PTPRD: variants seen among roughly 807,000 people sequenced by gnomAD.
PTPRD encodes the protein receptor-type tyrosine-protein phosphatase delta.
In PTPRD, 34 loss-of-function variants were observed where a neutral mutation model predicts 214.5. The observed-to-expected ratio is 0.16, with a 90% CI of 0.12 to 0.21. PTPRD has a LOEUF of 0.21. PTPRD is among the 10% of genes least tolerant of loss of function. PTPRD has a pLI of 1.00. For missense variants in PTPRD, 2,545 were observed against 2,398.7 expected (o/e 1.06, Z -1.27); for synonymous variants, 1,128 against 845.7 (o/e 1.33, Z -5.79).
At chr9:9,887,454 C>T (rs78743388) in intron 5 of PTPRD, among the ~76,000 whole-genome samples, 11,782 of 152,132 alleles carry the variant, frequency 0.077, 1,417 homozygotes, top group African/African-American at 0.26. Flanking sequence ...TATAAAAAAA[C>T]ATGATGCATA....
intron 2 of PTPRD, among the ~76,000 whole-genome samples, chr9:10,596,445 A>G (rs1438980824): frequency 6.6e-6 from 1 of 151,716 alleles, no homozygotes; most frequent in Non-Finnish European, 1.5e-5. Flanking sequence ...AATAATTATG[A>G]AGGTATATTT....
At chr9:9,944,083 G>A (rs2092145938) in intron 4 of PTPRD, among the ~76,000 whole-genome samples, 3 of 152,180 alleles carry the variant, frequency 2.0e-5, no homozygotes, top group Admixed American at 1.3e-4. Context: ...ATACAGAGGA[G>A]AAAGGCTTAG....
chr9:10,283,970 G>A (rs779347919), intron 3 of PTPRD, among the ~76,000 whole-genome samples: 1 of 152,050 alleles, frequency 6.6e-6, no homozygotes, highest in Non-Finnish European at 1.5e-5. Flanking sequence ...CTTCTCTCAT[G>A]GTTTGTGAGA....
chr9:10,500,989 G>A (rs1017787507), intron 2 of PTPRD, among the ~76,000 whole-genome samples: 6 of 152,062 alleles, frequency 3.9e-5, no homozygotes, highest in East Asian at 1.9e-4. Flanking sequence ...GAACAGTGCT[G>A]GAAGAAATAT....
intron 8 of PTPRD, among the ~76,000 whole-genome samples, chr9:9,504,096 A>G (rs538869446): frequency 6.6e-6 from 1 of 151,852 alleles, no homozygotes; most frequent in East Asian, 1.9e-4. Context: ...CCTATTCCAA[A>G]GTAAATATCA....
chr9:8,852,818 C>A (rs117297590), intron 11 of PTPRD, among the ~76,000 whole-genome samples: 2,039 of 152,216 alleles, frequency 0.013, 20 homozygotes, highest in Non-Finnish European at 0.022. Context: ...CATAGGCCAA[C>A]TGAGTAGTAT....
intron 11 of PTPRD, among the ~76,000 whole-genome samples, chr9:8,763,496 G>C (rs1464458920): frequency 3.3e-5 from 5 of 151,974 alleles, no homozygotes; most frequent in Non-Finnish European, 4.4e-5. Flanking sequence ...CTGGGTGACA[G>C]AGTGAGACTT....
intron 9 of PTPRD, among the ~76,000 whole-genome samples, chr9:9,289,712 T>C (rs1950554317): frequency 6.6e-6 from 1 of 151,798 alleles, no homozygotes; most frequent in Non-Finnish European, 1.5e-5. Context: ...TCACACAGTA[T>C]TTTTCTTTCT....
At chr9:10,025,092 C>A (rs536667749) in intron 4 of PTPRD, among the ~76,000 whole-genome samples, 1 of 151,920 alleles carries the variant, frequency 6.6e-6, no homozygotes, top group East Asian at 1.9e-4. Context: ...AATAAACATA[C>A]GTGTGCATGT....
intron 11 of PTPRD, among the ~76,000 whole-genome samples, chr9:8,775,170 C>T (rs2095419391): frequency 6.6e-6 from 1 of 152,108 alleles, no homozygotes; most frequent in East Asian, 1.9e-4. Context: ...TAAAAAATGT[C>T]TCATACGTCA....
chr9:8,340,402 G>A lies in PTPRD; in HGVS notation c.5194C>T (p.Leu1732Phe), dbSNP rs759538026. Reference sequence around the variant, plus strand: ...ACTATGGTGGAATTGTGTTCCCAGAGCATCCGCCAGAAGTCTTCAGTGGTC... The same window carrying A: ...ACTATGGTGGAATTGTGTTCCCAGAACATCCGCCAGAAGTCTTCAGTGGTC... ...AETTEDFWRM[L>F]WEHNSTIVVM... Residue 1732 changes from leucine (L) to phenylalanine (F), a missense_variant, in exon 42 of 46, where the codon CTC becomes TTC. Coordinates refer to ENST00000381196, the MANE Select transcript of PTPRD (RefSeq NM_002839.4). 3.1e-6 allele frequency: 5 copies of A among 1,610,856 alleles called. No homozygotes were observed. Among genetic ancestry groups the A allele is most frequent in the Non-Finnish European group, 4.2e-6 (5 of 1,177,804 alleles).
chr9:9,020,107 T>C (rs2099558330), intron 10 of PTPRD, among the ~76,000 whole-genome samples: 1 of 152,158 alleles, frequency 6.6e-6, no homozygotes, highest in Non-Finnish European at 1.5e-5. Flanking sequence ...TGACGGATAT[T>C]ATTGTTATCT....
At chr9:9,282,206 C>T (rs558573892) in intron 9 of PTPRD, among the ~76,000 whole-genome samples, 1 of 151,300 alleles carries the variant, frequency 6.6e-6, no homozygotes, top group South Asian at 2.1e-4. Context: ...TTTCAAAACC[C>T]ATAGAATGCA....
At chr9:9,300,401 C>T (rs751706919) in intron 9 of PTPRD, among the ~76,000 whole-genome samples, 1 of 151,732 alleles carries the variant, frequency 6.6e-6, no homozygotes, top group Non-Finnish European at 1.5e-5. Flanking sequence ...GCTGCAATCT[C>T]TTTTTAGACA....
At chr9:8,513,178 C>T (rs946469962) in intron 21 of PTPRD, among the ~76,000 whole-genome samples, 4 of 152,024 alleles carry the variant, frequency 2.6e-5, no homozygotes, top group African/African-American at 9.7e-5. Flanking sequence ...ATAATCATCT[C>T]AATGAAAGTC....
intron 3 of PTPRD, among the ~76,000 whole-genome samples, chr9:10,160,991 G>C (rs543461717): frequency 6.6e-6 from 1 of 151,722 alleles, no homozygotes; most frequent in Non-Finnish European, 1.5e-5. Flanking sequence ...AATATAAAAT[G>C]CCTAGAAATC....
intron 9 of PTPRD, among the ~76,000 whole-genome samples, chr9:9,282,146 A>G (rs1947935441): frequency 1.3e-5 from 2 of 151,372 alleles, no homozygotes; most frequent in African/African-American, 4.8e-5. Context: ...TAGGTAAGTG[A>G]AACTACCCTA....
At chr9:9,140,655 T>G (rs2099858699) in intron 10 of PTPRD, among the ~76,000 whole-genome samples, 1 of 152,246 alleles carries the variant, frequency 6.6e-6, no homozygotes, top group Non-Finnish European at 1.5e-5. Flanking sequence ...CTCGGCTCAC[T>G]GCAGGCTTCG....
intron 3 of PTPRD, among the ~76,000 whole-genome samples, chr9:10,092,167 T>C (rs1027077380): frequency 6.6e-6 from 1 of 151,510 alleles, no homozygotes; most frequent in Non-Finnish European, 1.5e-5. Flanking sequence ...AAACCACCTA[T>C]GCCTCATGTA....
Sources: gnomAD v4.1 joint callset for allele counts (sites outside exome capture counted in the v4.1 genomes callset) on GRCh38, gnomAD v4.1.1 for gene constraint, MANE v1.5 for transcripts, NCBI Gene and HGNC (gene_info 2026-07-23, HGNC 2026-07-21) for gene names.